Variants in CACNA1I observed in about 807,000 individuals in gnomAD.
CACNA1I encodes the protein calcium voltage-gated channel subunit alpha1 I, also known as voltage-dependent T-type calcium channel subunit alpha-1I.
CACNA1I carries 74 observed loss-of-function variants against 201.6 expected under a neutral mutation model. That is an observed-to-expected ratio of 0.37 (90% CI 0.30 to 0.45). The LOEUF (loss-of-function observed/expected upper bound fraction) is 0.45, where lower values mean the gene tolerates loss of function less well. CACNA1I is among the 20% of genes least tolerant of loss of function. The probability of loss-of-function intolerance (pLI) is 1.00; values close to 1 mark genes in which losing one functional copy is unlikely to be tolerated. For synonymous variants in CACNA1I, 1,431 were observed against 1,345.2 expected, an observed-to-expected ratio of 1.06 and a Z score of -1.40; for missense variants, 2,346 against 3,138.1, an observed-to-expected ratio of 0.75 and a Z score of 6.03.
intron 3 of CACNA1I, among the ~76,000 whole-genome samples, chr22:39,615,163 G>C (rs540779826): frequency 2.0e-5 from 3 of 152,346 alleles, no homozygotes; most frequent in East Asian, 3.9e-4. Context: ...GAGAAGGGGA[G>C]GGAGATAGCT....
Position 39,665,035 on chromosome 22 carries a change from A to T in CACNA1I, c.3851+112A>T. 1 of 986,606 alleles carries T rather than the reference A, an allele frequency of 1.0e-6. No individual in the cohort carries two copies. The highest frequency in any genetic ancestry group is 1.5e-6 in the Non-Finnish European group (1 of 664,002). The allele number at this position is 986,606 out of a possible 1,614,324, so 61.1% of individuals were successfully genotyped here. A position where few individuals can be genotyped will look rare whatever the true frequency, so the allele number is the denominator to read the frequency against. ...CCCCGCCCGCCCACTCGGTCCTCCA[A>T]TAGTGAGTGCCAAACACCCTGAGCT... On this transcript the variant is annotated intron_variant, in intron 21 of 36. Coordinates refer to ENST00000402142, the MANE Select transcript of CACNA1I (RefSeq NM_021096.4). The surrounding 1 kb of genome is among the most constrained non-coding windows in gnomAD (Gnocchi z 5.5).
chr22:39,642,033 G>A (rs1033835646), intron 6 of CACNA1I, among the ~76,000 whole-genome samples: 3 of 152,192 alleles, frequency 2.0e-5, no homozygotes, highest in Non-Finnish European at 4.4e-5. Context: ...AGGGGGAGCT[G>A]AGAAGTCCCT....
chr22:39,589,259 CG>C (rs1569049820), intron 1 of CACNA1I, among the ~76,000 whole-genome samples: 1 of 152,162 alleles, frequency 6.6e-6, no homozygotes. Flanking sequence ...ATAACACAGA[CG>C]TGCCTGTTCT....
chr22:39,628,942 C>T (rs955598439), intron 4 of CACNA1I, among the ~76,000 whole-genome samples: 3 of 152,256 alleles, frequency 2.0e-5, no homozygotes, highest in African/African-American at 4.8e-5. Context: ...CTGACAGCTC[C>T]CCTCTGCCAA....
chr22:39,661,492 G>A (rs1225788300), intron 16 of CACNA1I, among the ~76,000 whole-genome samples, 182 bp downstream of exon 16: 3 of 152,228 alleles, frequency 2.0e-5, no homozygotes, highest in South Asian at 2.1e-4. Flanking sequence ...AATAAGGAAC[G>A]AATGAAGGCC....
intron 3 of CACNA1I, among the ~76,000 whole-genome samples, chr22:39,618,189 GGTT>G (rs566265847): frequency 9.2e-4 from 139 of 151,272 alleles, no homozygotes; most frequent in African/African-American, 3.2e-3. Context: ...GTGGGTATGT[GGTT>G]GTGTACGTGT....
intron 3 of CACNA1I, among the ~76,000 whole-genome samples, 199 bp from the exon 4 acceptor site, chr22:39,619,111 C>T (rs940933634): frequency 3.9e-5 from 6 of 152,282 alleles, no homozygotes; most frequent in South Asian, 2.1e-4. Flanking sequence ...CATCTGTCAC[C>T]GGCGCCATTT....
At chr22:39,591,698 A>G (rs1369999951) in intron 1 of CACNA1I, among the ~76,000 whole-genome samples, 1 of 151,880 alleles carries the variant, frequency 6.6e-6, no homozygotes, top group Non-Finnish European at 1.5e-5. Context: ...AGCTGGGATT[A>G]CAGGCGCCTG....
At position 39,677,595 on chromosome 22, in the gene CACNA1I, C is replaced by A. The variant is rs992059211; in HGVS notation, c.4933+176C>A. ...TCTCCCAGGAAAACTGCCCTCCCTA[C>A]CCCGGTGTTGGTGCCTGTCCTGAGC... On this transcript the variant is annotated intron_variant, in intron 30 of 36. Transcript: ENST00000402142. The surrounding 1 kb of genome is among the most constrained non-coding windows in gnomAD (Gnocchi z 4.8). 9.2e-5 allele frequency among the ~76,000 whole-genome samples: 14 copies of A among 152,200 alleles called. No individual in the cohort carries two copies. Among genetic ancestry groups the A allele is most frequent in the African/African-American group, 3.1e-4 (13 of 41,450 alleles).
rs1372259028 is a variant in CACNA1I, at chr22:39,666,439, C to G, written c.4104+433C>G. 6.6e-6 allele frequency among the ~76,000 whole-genome samples: 1 copy of G among 152,188 alleles called. No individual in the cohort carries two copies. The highest frequency in any genetic ancestry group is 1.5e-5 in the Non-Finnish European group (1 of 68,022). On this transcript the variant is annotated intron_variant, in intron 23 of 36. Transcript: ENST00000402142. The surrounding 1 kb of genome is among the most constrained non-coding windows in gnomAD (Gnocchi z 4.1). ...GGCTGCGGTCGAGATGAAAGGATATCAAGCCCTTGGCCCGGGGTGGTACTC... is the reference window on the plus strand; with the variant it reads ...GGCTGCGGTCGAGATGAAAGGATATGAAGCCCTTGGCCCGGGGTGGTACTC...
rs1934918547 is a variant in CACNA1I at position 39,659,133 on chromosome 22, G to A, written c.2330+17G>A. On this transcript the variant is annotated intron_variant, in intron 12 of 36. Transcript: ENST00000402142. This position sits in a 1 kb window ranked among gnomAD's most constrained non-coding sequence, Gnocchi z 4.3. ...CATCTTCAGGTGAGCCTGCCCTGCT[G>A]GGGGCCATACCTCAGCACCTGCTGG... The A allele has an allele frequency of 3.1e-6, 5 of 1,610,738 alleles. No homozygotes were observed. The East Asian group carries it at 1.1e-4, about 36-fold the overall frequency.
At position 39,632,747 on chromosome 22, in the gene CACNA1I, G is replaced by A. The variant is rs578108142; in HGVS notation, c.581-1818G>A. 8.5e-5 allele frequency among the ~76,000 whole-genome samples: 13 copies of A among 152,346 alleles called. No homozygotes were observed. The South Asian group carries it at 2.7e-3, about 32-fold the overall frequency. ...TGAATGAACGATGGGGCACCAGAAAGGCCTGCAGTTGGCCTACTTGAGTCA... is the reference window on the plus strand; with the variant it reads ...TGAATGAACGATGGGGCACCAGAAAAGCCTGCAGTTGGCCTACTTGAGTCA... On this transcript the variant is annotated intron_variant, in intron 4 of 36. Transcript: ENST00000402142.
chr22:39,647,523 T>A (rs576098057), intron 8 of CACNA1I, among the ~76,000 whole-genome samples: 1 of 152,350 alleles, frequency 6.6e-6, no homozygotes, highest in East Asian at 1.9e-4. Context: ...GCCATCCTCC[T>A]GCCTCAGCCT....
At chr22:39,583,408 C>T (rs1456640900) in intron 1 of CACNA1I, among the ~76,000 whole-genome samples, 2 of 151,892 alleles carry the variant, frequency 1.3e-5, no homozygotes, top group Admixed American at 1.3e-4. Context: ...ATTCATCCAC[C>T]CATTTAGCCA....
intron 1 of CACNA1I, among the ~76,000 whole-genome samples, chr22:39,579,600 G>A (rs962378332): frequency 6.6e-6 from 1 of 151,956 alleles, no homozygotes; most frequent in African/African-American, 2.4e-5. Flanking sequence ...AAGGGGAGAA[G>A]GTGTGTTGCA....
intron 4 of CACNA1I, among the ~76,000 whole-genome samples, chr22:39,626,053 C>T (rs191085611): frequency 4.7e-4 from 72 of 152,300 alleles, no homozygotes; most frequent in African/African-American, 1.6e-3. Flanking sequence ...GCCCTGAGCC[C>T]GAGCTCACAG....
rs1298538836 is a variant in CACNA1I at position 39,670,951 on chromosome 22, C to T, written c.4536C>T (p.Pro1512=). The T allele has an allele frequency of 5.0e-6, 8 of 1,613,696 alleles. No homozygotes were observed. The African/African-American group carries it at 9.3e-5, about 19-fold the overall frequency. ...VTMSLEHYNQ[P]TSLETALKYC... is the part of the protein sequence containing the mutation. The stretch of plus-strand genomic sequence containing the variant: ...TGTCCCTGGAGCACTACAATCAGCC[C>T]ACGGTGAGCCCTGGTCTGCCTCCCA... The change falls in exon 26 of 37, where the codon CCC becomes CCT. Residue 1512 remains proline, a synonymous_variant. Transcript: ENST00000402142.
At position 39,644,109 on chromosome 22, in the gene CACNA1I, G is replaced by A. The variant is rs540800997; in HGVS notation, c.1149+1220G>A. Among the ~76,000 whole-genome samples, 432 of 152,324 alleles carry A rather than the reference G, an allele frequency of 2.8e-3. 2 individuals carry two copies. The highest frequency in any genetic ancestry group is 0.01 in the African/African-American group (417 of 41,560). ...AATTGAGCCTTAAAGACTCAGGGAGGTGAGCAGGGAAAGAGCCTCTTGGGC... is the reference window on the plus strand; with the variant it reads ...AATTGAGCCTTAAAGACTCAGGGAGATGAGCAGGGAAAGAGCCTCTTGGGC... On this transcript the variant is annotated intron_variant, in intron 7 of 36. Transcript: ENST00000402142.
At chr22:39,591,223 G>T (rs1348213111) in intron 1 of CACNA1I, among the ~76,000 whole-genome samples, 2 of 148,618 alleles carry the variant, frequency 1.3e-5, no homozygotes. Context: ...GCAATGGCGC[G>T]ATCTCAGCTC....
Sources: gnomAD v4.1 joint callset for allele counts (sites outside exome capture counted in the v4.1 genomes callset) on GRCh38, gnomAD v4.1.1 for gene constraint, Gnocchi (gnomAD v3.1) non-coding constraint, MANE v1.5 for transcripts, NCBI Gene and HGNC (gene_info 2026-07-23, HGNC 2026-07-21) for gene names.